PLEKHH2: variants seen among roughly 807,000 people sequenced by gnomAD.
PLEKHH2 encodes pleckstrin homology domain-containing family H member 2.
In PLEKHH2, 129 loss-of-function variants were observed where a neutral mutation model predicts 187.9. The ratio of observed to expected loss-of-function variants is 0.69; its 90% CI spans 0.59 to 0.79. The LOEUF is 0.79. Ranked by LOEUF, PLEKHH2 falls within the 30% of genes least tolerant of loss-of-function variation. The probability of loss-of-function intolerance (pLI) is 0.00; values close to 1 mark genes in which losing one functional copy is unlikely to be tolerated. For synonymous variants in PLEKHH2, 686 were observed against 605.6 expected, an observed-to-expected ratio of 1.13 and a Z score of -1.95; for missense variants, 2,076 against 1,751.2, an observed-to-expected ratio of 1.19 and a Z score of -3.31.
chr2:43,645,080 G>C (rs1305958850), intron 2 of PLEKHH2, among the ~76,000 whole-genome samples: 1 of 151,974 alleles, frequency 6.6e-6, no homozygotes, highest in Non-Finnish European at 1.5e-5. Context: ...TTTATTAGAG[G>C]AGTATGACAG....
Position 43,738,338 on chromosome 2 carries a change from CAG to C in PLEKHH2, c.2944-1_2944del. On this transcript the variant is annotated splice_acceptor_variant, in intron 19 of 29. Coordinates refer to ENST00000282406, the MANE Select transcript of PLEKHH2 (RefSeq NM_172069.4). LOFTEE classifies it high-confidence loss of function. ...TGAATATATCTTTTTTTGTTTAATT[CAG>C]ACCTGCCAGCTTTTTATAAATGCTG... is the stretch of plus-strand genomic sequence containing the variant. 6.2e-7 allele frequency: 1 copy of C among 1,600,152 alleles called. No individual in the cohort carries two copies. Among genetic ancestry groups the C allele is most frequent in the African/African-American group, 1.3e-5 (1 of 74,420 alleles).
chr2:43,669,529 T>A (rs1011261771), intron 2 of PLEKHH2, among the ~76,000 whole-genome samples: 1 of 152,130 alleles, frequency 6.6e-6, no homozygotes, highest in Non-Finnish European at 1.5e-5. Context: ...CAAAATGATA[T>A]AAGACACGAA....
chr2:43,729,984 C>T (rs1473086417), intron 18 of PLEKHH2, among the ~76,000 whole-genome samples: 1 of 152,098 alleles, frequency 6.6e-6, no homozygotes, highest in Non-Finnish European at 1.5e-5. Context: ...CACTGCTCCT[C>T]TGCTTGGAAT....
chr2:43,706,476 T>C (rs1669663236), intron 10 of PLEKHH2, 60 bp downstream of exon 10: 4 of 1,225,898 alleles, frequency 3.3e-6, no homozygotes, highest in Non-Finnish European at 1.2e-6. Flanking sequence ...TCAAGGAAAT[T>C]GTTAATTCAA....
intron 19 of PLEKHH2, 62 bp downstream of exon 19, chr2:43,731,664 T>G: frequency 9.3e-7 from 1 of 1,073,120 alleles, no homozygotes. Flanking sequence ...GTTAAATAAT[T>G]GGAAAAAAAT....
At chr2:43,639,650 C>CTTTT (rs869116400) in intron 1 of PLEKHH2, among the ~76,000 whole-genome samples, 26 of 99,224 alleles carry the variant, frequency 2.6e-4, no homozygotes, top group East Asian at 1.4e-3. Context: ...GGATGTACCA[C>CTTTT]TTTTTTTTTT....
intron 1 of PLEKHH2, among the ~76,000 whole-genome samples, chr2:43,643,050 C>G (rs780105008): frequency 1.3e-5 from 2 of 152,008 alleles, no homozygotes; most frequent in Non-Finnish European, 2.9e-5. Context: ...CGCTCTAAAG[C>G]TAATAAGGAG....
intron 20 of PLEKHH2, 91 bp from the exon 21 acceptor site, chr2:43,740,855 A>G: frequency 6.6e-7 from 1 of 1,521,708 alleles, no homozygotes; most frequent in Non-Finnish European, 8.8e-7. Context: ...TTTTGGGTTA[A>G]GAGAGACTGT....
chr2:43,675,933 C>G, intron 2 of PLEKHH2: 2 of 1,613,994 alleles, frequency 1.2e-6, no homozygotes, highest in South Asian at 1.1e-5. Context: ...TGTCACCATA[C>G]TTTTCAAAGA....
At chr2:43,678,783 T>C (rs1305659006) in intron 2 of PLEKHH2, 80 bp from the exon 3 acceptor site, 3 of 807,270 alleles carry the variant, frequency 3.7e-6, no homozygotes, top group East Asian at 2.5e-5. Flanking sequence ...GGTAGAATTA[T>C]GAGATTTTTA....
intron 17 of PLEKHH2, among the ~76,000 whole-genome samples, chr2:43,729,413 G>A (rs1157124606): frequency 6.6e-6 from 1 of 152,136 alleles, no homozygotes; most frequent in African/African-American, 2.4e-5. Flanking sequence ...TTTCTAAAAT[G>A]CATCTGAATA....
intron 2 of PLEKHH2, among the ~76,000 whole-genome samples, chr2:43,672,746 C>G (rs887016087): frequency 6.6e-6 from 1 of 152,148 alleles, no homozygotes; most frequent in Non-Finnish European, 1.5e-5. Flanking sequence ...GTTTCTAACA[C>G]CCATTTTTTT....
At chr2:43,641,614 T>C (rs1473175663) in intron 1 of PLEKHH2, among the ~76,000 whole-genome samples, 1 of 152,172 alleles carries the variant, frequency 6.6e-6, no homozygotes, top group Non-Finnish European at 1.5e-5. Flanking sequence ...ACACCCCTGG[T>C]TTAGAGCTTT....
chr2:43,714,871 T>C (rs1248399262), intron 15 of PLEKHH2, among the ~76,000 whole-genome samples: 1 of 152,184 alleles, frequency 6.6e-6, no homozygotes, highest in Non-Finnish European at 1.5e-5. Flanking sequence ...GTGTCAGTAA[T>C]GACTTCTGAG....
At chr2:43,674,466 C>G (rs1667631423) in intron 2 of PLEKHH2, among the ~76,000 whole-genome samples, 1 of 152,276 alleles carries the variant, frequency 6.6e-6, no homozygotes, top group East Asian at 1.9e-4. Context: ...TAGAGACATC[C>G]AAAAGACTTA....
At chr2:43,739,486 G>T (rs1671460944) in intron 20 of PLEKHH2, among the ~76,000 whole-genome samples, 2 of 152,202 alleles carry the variant, frequency 1.3e-5, no homozygotes, top group Admixed American at 6.5e-5. Context: ...GACTGTCGGG[G>T]TTGGATCTAG....
chr2:43,673,502 T>C (rs921962074), intron 2 of PLEKHH2, among the ~76,000 whole-genome samples: 1 of 152,212 alleles, frequency 6.6e-6, no homozygotes, highest in African/African-American at 2.4e-5. Context: ...GGTTATATTA[T>C]CCACATTTTA....
chr2:43,749,298 C>G (rs1201345976), intron 24 of PLEKHH2, among the ~76,000 whole-genome samples: 2 of 152,178 alleles, frequency 1.3e-5, no homozygotes, highest in Non-Finnish European at 2.9e-5. Flanking sequence ...AAAGGAATGT[C>G]TGGGTTGCCA....
chr2:43,758,043 TGA>T (rs1672285361), intron 26 of PLEKHH2, among the ~76,000 whole-genome samples: 1 of 152,262 alleles, frequency 6.6e-6, no homozygotes, highest in Non-Finnish European at 1.5e-5. Context: ...AAAGAGAAGC[TGA>T]TTAGATTTAG....
Sources: allele counts gnomAD v4.1 joint callset (sites outside exome capture counted in the v4.1 genomes callset), GRCh38; gene constraint gnomAD v4.1.1; transcripts MANE v1.5; gene names NCBI Gene and HGNC (gene_info 2026-07-23, HGNC 2026-07-21).